The following EYA4 variants were observed in gnomAD, a reference collection of about 807,000 sequenced individuals.
EYA4 encodes EYA transcriptional coactivator and phosphatase 4, also known as protein phosphatase EYA4.
Under a neutral mutation model 87.9 loss-of-function variants are expected in EYA4, and 31 were observed. That is an observed-to-expected ratio of 0.35 (90% CI 0.27 to 0.48). EYA4 has a LOEUF of 0.48. EYA4 is among the 20% of genes least tolerant of loss of function. The pLI is 0.99. For synonymous variants in EYA4, 263 were observed against 270.6 expected (o/e 0.97, Z 0.28); for missense variants, 678 against 761.4 (o/e 0.89, Z 1.29).
At chr6:133,460,998 T>A in intron 6 of EYA4, 116 bp from the exon 7 acceptor site, 1 of 778,786 alleles carries the variant, frequency 1.3e-6, no homozygotes, top group Non-Finnish European at 2.3e-6. Flanking sequence ...TTTTAGAAAA[T>A]GAATTTCTGG....
chr6:133,409,152 C>T (rs1172898830), intron 3 of EYA4, among the ~76,000 whole-genome samples: 1 of 152,066 alleles, frequency 6.6e-6, no homozygotes, highest in African/African-American at 2.4e-5. Flanking sequence ...TTATTCCCAA[C>T]CAAAATTGGA....
At chr6:133,496,736 A>T (rs574352755) in intron 13 of EYA4, among the ~76,000 whole-genome samples, 1 of 152,374 alleles carries the variant, frequency 6.6e-6, no homozygotes, top group South Asian at 2.1e-4. Flanking sequence ...ATGTACGTAT[A>T]TAAAAATGAC....
rs1778725965 is a variant in EYA4, at chr6:133,294,039, A to ATATG, written c.33+19229_33+19230insGTAT. On this transcript the variant is annotated intron_variant, in intron 2 of 19. Coordinates refer to ENST00000355286, the MANE Select transcript of EYA4 (RefSeq NM_004100.5). The stretch of plus-strand genomic sequence containing the variant: ...AGGGTGATTTTATATATATATATAT[A>ATATG]TATATATATATATATATATATATAA... Among the ~76,000 whole-genome samples the ATATG allele has an allele frequency of 5.8e-5, 5 of 86,396 alleles. No individual in the cohort carries two copies. The South Asian group carries it at 1.8e-3, about 32-fold the overall frequency. The allele number at this position is 86,396 out of a possible 152,430, so 56.7% of individuals were successfully genotyped here. A position where few individuals can be genotyped will look rare whatever the true frequency, so the allele number is the denominator to read the frequency against.
At chr6:133,456,693 A>G (rs765815972) in intron 6 of EYA4, 45 bp downstream of exon 6, 1 of 1,129,518 alleles carries the variant, frequency 8.9e-7, no homozygotes, top group Non-Finnish European at 1.4e-6. Flanking sequence ...ATGGGGGTGC[A>G]TCCACATCCT....
intron 1 of EYA4, among the ~76,000 whole-genome samples, chr6:133,252,457 C>T (rs1420990132): frequency 6.6e-6 from 1 of 152,098 alleles, no homozygotes; most frequent in Non-Finnish European, 1.5e-5. Context: ...CAGATCCAAA[C>T]TTTTAAGTTC....
chr6:133,511,525 T>C (rs1799136207), intron 14 of EYA4: 1 of 151,890 alleles, frequency 6.6e-6, no homozygotes, highest in African/African-American at 2.4e-5. Context: ...GCATTTTAAA[T>C]GCCCTCACCA....
intron 3 of EYA4, among the ~76,000 whole-genome samples, chr6:133,392,813 T>C (rs377008079): frequency 6.6e-6 from 1 of 152,138 alleles, no homozygotes; most frequent in East Asian, 1.9e-4. Context: ...GCCACATGTA[T>C]TAGTGATTAA....
intron 13 of EYA4, among the ~76,000 whole-genome samples, chr6:133,493,772 G>A (rs547324219): frequency 5.9e-5 from 9 of 152,074 alleles, no homozygotes; most frequent in South Asian, 4.1e-4. Flanking sequence ...AATAAAAACC[G>A]GTCAAGAAAT....
At chr6:133,470,056 T>C (rs567822168) in intron 11 of EYA4, among the ~76,000 whole-genome samples, 5 of 150,990 alleles carry the variant, frequency 3.3e-5, no homozygotes, top group Admixed American at 1.3e-4. Context: ...TTCACTCTGA[T>C]GGTAGTTTCT....
intron 3 of EYA4, among the ~76,000 whole-genome samples, chr6:133,386,494 T>C (rs1786761290): frequency 6.6e-6 from 1 of 152,230 alleles, no homozygotes; most frequent in South Asian, 2.1e-4. Context: ...GTAGTCCCTA[T>C]AACACACAAA....
chr6:133,432,222 G>T, intron 3 of EYA4, among the ~76,000 whole-genome samples: 1 of 152,184 alleles, frequency 6.6e-6, no homozygotes, highest in Admixed American at 6.5e-5. Flanking sequence ...CCTCCCAGCT[G>T]CCAGCCCCAG....
chr6:133,268,074 T>G (rs1776372746), intron 1 of EYA4, among the ~76,000 whole-genome samples: 1 of 152,172 alleles, frequency 6.6e-6, no homozygotes, highest in African/African-American at 2.4e-5. Context: ...TTGCTCAGAT[T>G]TATGTATTTC....
At chr6:133,304,154 G>A (rs557903663) in intron 2 of EYA4, among the ~76,000 whole-genome samples, 1 of 152,228 alleles carries the variant, frequency 6.6e-6, no homozygotes, top group South Asian at 2.1e-4. Context: ...ACTTCCTAGT[G>A]GGTTTTTGTG....
chr6:133,274,189 T>G (rs959866918), intron 1 of EYA4, among the ~76,000 whole-genome samples: 3 of 152,232 alleles, frequency 2.0e-5, no homozygotes, highest in Non-Finnish European at 4.4e-5. Context: ...AATACATTCT[T>G]TAACATATTG....
chr6:133,330,325 A>G (rs369529498), intron 2 of EYA4, among the ~76,000 whole-genome samples: 12 of 152,126 alleles, frequency 7.9e-5, no homozygotes, highest in African/African-American at 2.7e-4. Flanking sequence ...GCCAATGAAT[A>G]TAGTGTGTGA....
At position 133,531,126 on chromosome 6, in the gene EYA4, T is replaced by G. The variant is rs1165148213; in HGVS notation, c.*2321T>G. On this transcript the variant is annotated 3_prime_UTR_variant, in exon 20 of 20. Transcript: ENST00000355286. ...CTGTGGGTGCAGAAAGAAACACCCC[T>G]TGGAAGGGCAAAGAGAAGCCGGCTG... The G allele has an allele frequency of 1.3e-6, 2 of 1,521,912 alleles. No individual in the cohort carries two copies. Among genetic ancestry groups the G allele is most frequent in the Non-Finnish European group, 1.8e-6 (2 of 1,139,018 alleles). The allele number at this position is 1,521,912 out of a possible 1,614,324, so 94.3% of individuals were successfully genotyped here. A position where few individuals can be genotyped will look rare whatever the true frequency, so the allele number is the denominator to read the frequency against.
chr6:133,420,469 C>T (rs1242508808), intron 3 of EYA4, among the ~76,000 whole-genome samples: 1 of 152,198 alleles, frequency 6.6e-6, no homozygotes, highest in Non-Finnish European at 1.5e-5. Context: ...AGCTGTTTTT[C>T]TGGTTTCATA....
At chr6:133,491,157 A>G (rs1797117616) in intron 13 of EYA4, among the ~76,000 whole-genome samples, 1 of 152,114 alleles carries the variant, frequency 6.6e-6, no homozygotes, top group South Asian at 2.1e-4. Flanking sequence ...TTGAAAGAAA[A>G]AAGTGATAAT....
chr6:133,424,594 G>C (rs1790493952), intron 3 of EYA4, among the ~76,000 whole-genome samples: 1 of 152,140 alleles, frequency 6.6e-6, no homozygotes, highest in African/African-American at 2.4e-5. Context: ...TCCTGCACCT[G>C]GGAGGGCAGG....
Sources: gnomAD v4.1 joint callset for allele counts (sites outside exome capture counted in the v4.1 genomes callset) on GRCh38, gnomAD v4.1.1 for gene constraint, MANE v1.5 for transcripts, NCBI Gene and HGNC (gene_info 2026-07-23, HGNC 2026-07-21) for gene names.